Variants in SYNE1 observed in about 807,000 individuals in gnomAD.
The protein encoded by SYNE1 is nesprin-1.
SYNE1 carries 616 observed loss-of-function variants against 1,111.0 expected under a neutral mutation model. The ratio of observed to expected loss-of-function variants is 0.55; its 90% CI spans 0.52 to 0.59. SYNE1 has a LOEUF of 0.59. Among genes scored for constraint, SYNE1 ranks in the 20% least tolerant of loss-of-function variants. The probability of loss-of-function intolerance (pLI) is 0.00; values close to 1 mark genes in which losing one functional copy is unlikely to be tolerated. For synonymous variants in SYNE1, 3,855 were observed against 3,825.8 expected (o/e 1.01, Z -0.28); for missense variants, 10,006 against 10,417.0 (o/e 0.96, Z 1.72).
chr6:152,612,203 T>C (rs1262585201), intron 3 of SYNE1, among the ~76,000 whole-genome samples: 2 of 151,720 alleles, frequency 1.3e-5, no homozygotes, highest in African/African-American at 2.4e-5. Context: ...TCAATGAATC[T>C]AACAGCTGGT....
chr6:152,339,447 T>C (rs2096484041), intron 74 of SYNE1, 81 bp from the exon 75 acceptor site: 2 of 1,572,520 alleles, frequency 1.3e-6, no homozygotes, highest in East Asian at 2.3e-5. Context: ...GAATATTCTG[T>C]TGACATTTCA....
At chr6:152,137,643 C>T (rs1437310489) in intron 140 of SYNE1, among the ~76,000 whole-genome samples, 1 of 152,130 alleles carries the variant, frequency 6.6e-6, no homozygotes, top group Non-Finnish European at 1.5e-5. Flanking sequence ...TAAAATCCCC[C>T]AATCCAGTTA....
At chr6:152,208,314 T>C in intron 124 of SYNE1, 108 bp from the exon 125 acceptor site, 1 of 991,422 alleles carries the variant, frequency 1.0e-6, no homozygotes, top group Non-Finnish European at 1.5e-6. Flanking sequence ...AGAAGTGATC[T>C]AGGGCGGTGG....
At chr6:152,185,109 A>G (rs577829169) in intron 128 of SYNE1, among the ~76,000 whole-genome samples, 1 of 152,308 alleles carries the variant, frequency 6.6e-6, no homozygotes, top group African/African-American at 2.4e-5. Context: ...TACGATGATG[A>G]CATATACTTA....
chr6:152,186,717 T>C (rs1315716352), intron 128 of SYNE1, among the ~76,000 whole-genome samples: 1 of 151,976 alleles, frequency 6.6e-6, no homozygotes, highest in Non-Finnish European at 1.5e-5. Context: ...CTCTAAAATA[T>C]TATCTCTCTG....
chr6:152,422,406 A>G (rs1017099451), intron 39 of SYNE1, among the ~76,000 whole-genome samples: 17 of 152,248 alleles, frequency 1.1e-4, no homozygotes, highest in Non-Finnish European at 2.4e-4. Context: ...AGACTGACTA[A>G]AGAAGACATG....
At chr6:152,315,793 TAAGA>T (rs2095701878) in intron 87 of SYNE1, 1 of 152,182 alleles carries the variant, frequency 6.6e-6, no homozygotes, top group Admixed American at 6.5e-5. Flanking sequence ...TGGAGTTGCT[TAAGA>T]AAGACATTGT....
At chr6:152,400,820 G>A (rs2154150151) in intron 47 of SYNE1, among the ~76,000 whole-genome samples, 1 of 152,162 alleles carries the variant, frequency 6.6e-6, no homozygotes, top group Non-Finnish European at 1.5e-5. Context: ...TTGAAAATTT[G>A]TGGAAGTCAC....
chr6:152,172,214 A>G (rs1563206121), intron 130 of SYNE1, among the ~76,000 whole-genome samples: 1 of 152,196 alleles, frequency 6.6e-6, no homozygotes, highest in East Asian at 1.9e-4. Flanking sequence ...GCTAATGGGT[A>G]ACTGTTTTTA....
intron 11 of SYNE1, among the ~76,000 whole-genome samples, chr6:152,495,659 A>G (rs1399078071): frequency 1.3e-5 from 2 of 151,992 alleles, no homozygotes; most frequent in African/African-American, 4.8e-5. Context: ...GACTCATTCC[A>G]ATGACCTGCT....
rs1562592637 is a variant in SYNE1 at position 152,262,067 on chromosome 6, G to C, written c.18937C>G (p.Leu6313Val). The C allele has an allele frequency of 7.4e-6, 12 of 1,613,610 alleles. No homozygotes were observed. Among genetic ancestry groups the C allele is most frequent in the Non-Finnish European group, 1.0e-5 (12 of 1,179,890 alleles). ...TGTTCCTGTTCCAGAACATTCTGTA[G>C]TAGTTTCTGCTTGGTACTAAATTCT... ...HQEFSTKQKLLQNVLEQEQEQ... is the reference protein window; with the variant it reads ...HQEFSTKQKLVQNVLEQEQEQ... The change falls in exon 101 of 146, where the codon CTA (leucine) becomes GTA (valine). Residue 6313 changes from leucine (L) to valine (V), a missense_variant. Transcript: ENST00000367255.
chr6:152,283,874 G>C (rs1589310805), intron 96 of SYNE1, 104 bp downstream of exon 96: 2 of 991,668 alleles, frequency 2.0e-6, no homozygotes, highest in East Asian at 5.0e-5. Context: ...GCTTAGGAGA[G>C]GGAAGCAATG....
At chr6:152,147,173 T>G (rs1214091639) in intron 137 of SYNE1, 1 of 152,242 alleles carries the variant, frequency 6.6e-6, no homozygotes, top group Non-Finnish European at 1.5e-5. Flanking sequence ...GGACTGAGAG[T>G]TCTGGAGGAG....
chr6:152,180,344 A>G, intron 128 of SYNE1, 50 bp from the exon 129 acceptor site: 1 of 1,570,248 alleles, frequency 6.4e-7, no homozygotes, highest in Non-Finnish European at 8.8e-7. Flanking sequence ...CAGAGAGAAG[A>G]CCACACTCCA....
Position 152,539,941 on chromosome 6 carries a change from G to T in SYNE1, c.129+19C>A. 1.9e-6 allele frequency: 3 copies of T among 1,613,568 alleles called. No homozygotes were observed. Among genetic ancestry groups the T allele is most frequent in the Non-Finnish European group, 2.5e-6 (3 of 1,179,576 alleles). On this transcript the variant is annotated intron_variant, in intron 4 of 145. Coordinates refer to ENST00000367255, the MANE Select transcript of SYNE1 (RefSeq NM_182961.4). ...GGCTCAACCTAAGTAAACCTGTAATGCTGGGTAGTTTCCTTTACCTTGGCC... is the reference window on the plus strand; with the variant it reads ...GGCTCAACCTAAGTAAACCTGTAATTCTGGGTAGTTTCCTTTACCTTGGCC...
intron 17 of SYNE1, 54 bp from the exon 18 acceptor site, chr6:152,465,514 A>G: frequency 6.6e-7 from 1 of 1,521,556 alleles, no homozygotes. Context: ...AATCCTCTAC[A>G]CCTTTTTTTC....
intron 142 of SYNE1, 189 bp from the exon 143 acceptor site, chr6:152,133,677 T>A: frequency 1.6e-6 from 1 of 628,446 alleles, no homozygotes; most frequent in South Asian, 1.9e-5. Flanking sequence ...AAAAATATTC[T>A]ATAAGACCCC....
At chr6:152,382,396 G>C (rs1047677034) in intron 55 of SYNE1, among the ~76,000 whole-genome samples, 1 of 152,092 alleles carries the variant, frequency 6.6e-6, no homozygotes, top group African/African-American at 2.4e-5. Flanking sequence ...TAAGCATAAA[G>C]TATGTCTTAA....
intron 127 of SYNE1, among the ~76,000 whole-genome samples, chr6:152,201,594 GT>G (rs1344722682): frequency 6.6e-6 from 1 of 151,220 alleles, no homozygotes; most frequent in Non-Finnish European, 1.5e-5. Flanking sequence ...CTTTTAATGT[GT>G]TTTAAATTTT....
Sources: gnomAD v4.1 joint callset for allele counts (sites outside exome capture counted in the v4.1 genomes callset) on GRCh38, gnomAD v4.1.1 for gene constraint, MANE v1.5 for transcripts, NCBI Gene and HGNC (gene_info 2026-07-23, HGNC 2026-07-21) for gene names.